LRRC4C: variants seen among roughly 807,000 people sequenced by gnomAD.
LRRC4C encodes leucine-rich repeat-containing protein 4C.
LRRC4C carries 5 observed loss-of-function variants against 33.6 expected under a neutral mutation model. The ratio of observed to expected loss-of-function variants is 0.15; its 90% CI spans 0.08 to 0.31. LRRC4C has a LOEUF of 0.31. LRRC4C is among the 10% of genes least tolerant of loss of function. The probability of loss-of-function intolerance (pLI) is 1.00; values close to 1 mark genes in which losing one functional copy is unlikely to be tolerated. For synonymous variants in LRRC4C, 329 were observed against 302.0 expected, an observed-to-expected ratio of 1.09 and a Z score of -0.93; for missense variants, 560 against 796.7, an observed-to-expected ratio of 0.70 and a Z score of 3.58.
intron 2 of LRRC4C, among the ~76,000 whole-genome samples, chr11:40,844,588 A>T (rs1953070229): frequency 6.6e-6 from 1 of 152,182 alleles, no homozygotes; most frequent in Non-Finnish European, 1.5e-5. Context: ...TCTTGGTATG[A>T]TTGAACTATT....
rs943845217 is a variant in LRRC4C at position 40,122,593 on chromosome 11, C to G, written c.-42-6259G>C. 2.0e-5 allele frequency among the ~76,000 whole-genome samples: 3 copies of G among 152,102 alleles called. No homozygotes were observed. In the South Asian group the frequency reaches 6.2e-4, roughly 32 times the overall value. On this transcript the variant is annotated intron_variant, in intron 6 of 6. Coordinates refer to ENST00000528697, the MANE Select transcript of LRRC4C (RefSeq NM_001258419.2). Reference sequence around the variant, plus strand: ...TTCACAGCTCCACTCACAGACAGTGCCAAACTTTGTGAGGTGGTTCTTTTC... The same window carrying G: ...TTCACAGCTCCACTCACAGACAGTGGCAAACTTTGTGAGGTGGTTCTTTTC...
intron 1 of LRRC4C, among the ~76,000 whole-genome samples, chr11:41,434,171 C>A (rs1955343052): frequency 6.6e-6 from 1 of 152,074 alleles, no homozygotes; most frequent in Non-Finnish European, 1.5e-5. Context: ...TCAGACCCCT[C>A]CACAGATTCC....
At chr11:40,388,204 A>T (rs572810188) in intron 3 of LRRC4C, among the ~76,000 whole-genome samples, 1 of 152,156 alleles carries the variant, frequency 6.6e-6, no homozygotes, top group East Asian at 1.9e-4. Context: ...GGGCAAAAAG[A>T]TGAGGCCCGG....
At chr11:40,287,828 CTA>C (rs1943945550) in intron 4 of LRRC4C, among the ~76,000 whole-genome samples, 1 of 152,160 alleles carries the variant, frequency 6.6e-6, no homozygotes, top group Non-Finnish European at 1.5e-5. Context: ...TAAGGCACTT[CTA>C]TATATGTTTT....
At chr11:41,178,938 T>C (rs935301111) in intron 1 of LRRC4C, among the ~76,000 whole-genome samples, 1 of 152,000 alleles carries the variant, frequency 6.6e-6, no homozygotes, top group Non-Finnish European at 1.5e-5. Context: ...CCTGACCTTG[T>C]GATCCACCCA....
At chr11:40,640,873 G>C (rs957934356) in intron 3 of LRRC4C, among the ~76,000 whole-genome samples, 1 of 151,764 alleles carries the variant, frequency 6.6e-6, no homozygotes, top group Admixed American at 6.6e-5. Flanking sequence ...AAAATCAGCC[G>C]GGCGTGGTGG....
At chr11:41,445,125 T>C (rs1295567644) in intron 1 of LRRC4C, among the ~76,000 whole-genome samples, 1 of 152,122 alleles carries the variant, frequency 6.6e-6, no homozygotes, top group African/African-American at 2.4e-5. Flanking sequence ...TCTATTCTTT[T>C]CCCCTTAGCT....
intron 3 of LRRC4C, among the ~76,000 whole-genome samples, chr11:40,482,489 G>C (rs1452959708): frequency 6.6e-6 from 1 of 151,668 alleles, no homozygotes; most frequent in Admixed American, 6.6e-5. Flanking sequence ...TTGTTTTTGA[G>C]ATAGAGTCCC....
At chr11:40,925,458 C>A (rs12421408) in intron 2 of LRRC4C, among the ~76,000 whole-genome samples, 8,909 of 152,188 alleles carry the variant, frequency 0.059, 379 homozygotes, top group Admixed American at 0.15. Flanking sequence ...GGAGAAAGAA[C>A]AATGGGCTTG....
chr11:40,394,619 C>T (rs1188662351), intron 3 of LRRC4C, among the ~76,000 whole-genome samples: 1 of 152,156 alleles, frequency 6.6e-6, no homozygotes, highest in Non-Finnish European at 1.5e-5. Flanking sequence ...TCTAGTTCCA[C>T]ATGCCACCTC....
Position 40,346,681 on chromosome 11 carries a change from C to T in LRRC4C, c.-269-26960G>A, listed in dbSNP as rs192483718. 2.6e-5 allele frequency among the ~76,000 whole-genome samples: 4 copies of T among 152,324 alleles called. No individual in the cohort carries two copies. In the East Asian group the frequency reaches 7.7e-4, roughly 29 times the overall value. Reference sequence around the variant, plus strand: ...AGTTTACCTATGTAACAAACCTGCACATGTGCCCCTGAACTTAAAATAAAC... The same window carrying T: ...AGTTTACCTATGTAACAAACCTGCATATGTGCCCCTGAACTTAAAATAAAC... On this transcript the variant is annotated intron_variant, in intron 3 of 6. Transcript: ENST00000528697.
chr11:40,952,270 C>T (rs1485454530), intron 1 of LRRC4C, among the ~76,000 whole-genome samples: 2 of 151,818 alleles, frequency 1.3e-5, no homozygotes. Flanking sequence ...CTCTTTAGGC[C>T]ACACAACTTT....
chr11:40,699,161 GAA>G (rs1945737013), intron 2 of LRRC4C, among the ~76,000 whole-genome samples: 2 of 152,110 alleles, frequency 1.3e-5, no homozygotes, highest in South Asian at 4.1e-4. Flanking sequence ...TCTAAATTTT[GAA>G]AAGTTTTGAA....
At chr11:40,801,887 T>C (rs574186374) in intron 2 of LRRC4C, among the ~76,000 whole-genome samples, 1 of 152,248 alleles carries the variant, frequency 6.6e-6, no homozygotes, top group South Asian at 2.1e-4. Flanking sequence ...TGATGGAAAG[T>C]CATTGGGAGG....
intron 2 of LRRC4C, among the ~76,000 whole-genome samples, chr11:40,770,994 G>C (rs147212722): frequency 1.2e-3 from 179 of 152,268 alleles, no homozygotes; most frequent in African/African-American, 4.1e-3. Flanking sequence ...ACCGTTCTAG[G>C]ATCTGGAGAA....
At chr11:40,206,527 C>T (rs1863168850) in intron 5 of LRRC4C, among the ~76,000 whole-genome samples, 1 of 152,148 alleles carries the variant, frequency 6.6e-6, no homozygotes. Flanking sequence ...CAGGAGTGAG[C>T]CACCGCACCT....
chr11:40,758,746 C>G (rs1949061628), intron 2 of LRRC4C, among the ~76,000 whole-genome samples: 2 of 151,944 alleles, frequency 1.3e-5, no homozygotes, highest in African/African-American at 2.4e-5. Context: ...TAGCATCAAA[C>G]TGGTTCTTCC....
chr11:41,029,908 T>C (rs1487808474), intron 1 of LRRC4C, among the ~76,000 whole-genome samples: 1 of 151,692 alleles, frequency 6.6e-6, no homozygotes, highest in Non-Finnish European at 1.5e-5. Context: ...AGCCAAGGTA[T>C]GTAGGAAGAA....
chr11:40,606,708 G>A (rs1294948889), intron 3 of LRRC4C, among the ~76,000 whole-genome samples: 1 of 152,042 alleles, frequency 6.6e-6, no homozygotes, highest in East Asian at 1.9e-4. Context: ...TTTTGGAGGT[G>A]AGGAATACAA....
Sources: allele counts gnomAD v4.1 joint callset (sites outside exome capture counted in the v4.1 genomes callset), GRCh38; gene constraint gnomAD v4.1.1; transcripts MANE v1.5; gene names NCBI Gene and HGNC (gene_info 2026-07-23, HGNC 2026-07-21).